ADGB: variants seen among roughly 807,000 people sequenced by gnomAD.
The protein encoded by ADGB is calpain-7-like protein.
Under a neutral mutation model 210.5 loss-of-function variants are expected in ADGB, and 172 were observed. That is an observed-to-expected ratio of 0.82 (90% CI 0.72 to 0.93). ADGB has a LOEUF of 0.93. Among genes scored for constraint, ADGB ranks in the 40% least tolerant of loss-of-function variants. The pLI is 0.00. For missense variants in ADGB, 2,025 were observed against 1,964.8 expected, an observed-to-expected ratio of 1.03 and a Z score of -0.58; for synonymous variants, 658 against 662.7, an observed-to-expected ratio of 0.99 and a Z score of 0.11.
rs1027362399 is a variant in ADGB, at chr6:146,716,464, G to A, written c.1742-419G>A. On this transcript the variant is annotated intron_variant, in intron 14 of 35. Transcript: ENST00000397944. ...AAAAATTAGCCGGGCGCGGTGGCGG[G>A]CGCCTGTAGTCCCAGCTACTCGGGA... 5.6e-4 allele frequency among the ~76,000 whole-genome samples: 80 copies of A among 142,044 alleles called. 10 individuals carry two copies. Among genetic ancestry groups the A allele is most frequent in the African/African-American group, 2.2e-3 (72 of 32,620 alleles). 93.2% of individuals were successfully genotyped at this position (142,044 alleles called of 152,430 possible). A position where few individuals can be genotyped will look rare whatever the true frequency, so the allele number is the denominator to read the frequency against.
At chr6:146,803,064 C>T (rs1778155563) in intron 35 of ADGB, 1 of 1,553,266 alleles carries the variant, frequency 6.4e-7, no homozygotes, top group African/African-American at 1.4e-5. Context: ...GTCTACACAG[C>T]AGCCAAGTGA....
chr6:146,733,121 T>A lies in ADGB; in HGVS notation c.2522T>A (p.Val841Asp). The A allele has an allele frequency of 1.3e-6, 2 of 1,509,544 alleles. No homozygotes were observed. The highest frequency in any genetic ancestry group is 5.0e-5 in the East Asian group (2 of 40,218). The allele number at this position is 1,509,544 out of a possible 1,614,324, so 93.5% of individuals were successfully genotyped here. A position where few individuals can be genotyped will look rare whatever the true frequency, so the allele number is the denominator to read the frequency against. The change falls in exon 21 of 36, where the codon GTT (valine) becomes GAT (aspartate). Residue 841 changes from valine (V) to aspartate (D), a missense_variant and splice_region_variant. Physicochemically the swap from Val to Asp is radical, Grantham distance 152 (BLOSUM62 -3). Transcript: ENST00000397944. ...ATAAAAAAAATTTATGTGTTTCAGG[T>A]TTTTCATCTTTCCTTATGGCGTTTA... ...DKELTAQHFR[V>D]FHLSLWRLMK... is the part of the protein sequence containing the mutation.
intron 12 of ADGB, among the ~76,000 whole-genome samples, chr6:146,697,326 A>C (rs1776419284): frequency 6.6e-6 from 1 of 152,238 alleles, no homozygotes; most frequent in Non-Finnish European, 1.5e-5. Flanking sequence ...ATGCAGCAAT[A>C]GGTGGCTAAT....
intron 1 of ADGB, among the ~76,000 whole-genome samples, chr6:146,610,668 C>T (rs906000317): frequency 6.6e-6 from 1 of 152,120 alleles, no homozygotes; most frequent in Non-Finnish European, 1.5e-5. Context: ...TGGGACCAGG[C>T]CTGTGATTTT....
intron 35 of ADGB, chr6:146,803,104 T>G (rs1778156284): frequency 6.6e-7 from 1 of 1,509,486 alleles, no homozygotes; most frequent in African/African-American, 1.4e-5. Flanking sequence ...TGTAAACAAT[T>G]GGTGAGCACA....
At chr6:146,599,503 A>G (rs1336334563) in intron 1 of ADGB, among the ~76,000 whole-genome samples, 1 of 152,214 alleles carries the variant, frequency 6.6e-6, no homozygotes, top group Admixed American at 6.5e-5. Flanking sequence ...ACAGCGAGTG[A>G]CAGACAGACA....
Position 146,740,458 on chromosome 6 carries a change from G to A in ADGB, c.2889-1G>A. ...TACATAATTTATTTTTATATTTCTAGACTAATGTTTAAAAGCAAGTGCAAG... is the reference window on the plus strand; with the variant it reads ...TACATAATTTATTTTTATATTTCTAAACTAATGTTTAAAAGCAAGTGCAAG... On this transcript the variant is annotated splice_acceptor_variant, in intron 23 of 35. Coordinates refer to ENST00000397944, the MANE Select transcript of ADGB (RefSeq NM_024694.4). LOFTEE classifies it high-confidence loss of function. 1 of 1,530,912 alleles carries A rather than the reference G, an allele frequency of 6.5e-7. No homozygotes were observed. Among genetic ancestry groups the A allele is most frequent in the Non-Finnish European group, 8.8e-7 (1 of 1,135,892 alleles). 94.8% of individuals were successfully genotyped at this position (1,530,912 alleles called of 1,614,324 possible).
At chr6:146,669,264 A>ATGCC (rs1775975440) in intron 7 of ADGB, among the ~76,000 whole-genome samples, 1 of 152,096 alleles carries the variant, frequency 6.6e-6, no homozygotes, top group Non-Finnish European at 1.5e-5. Context: ...AATAGGAGGC[A>ATGCC]GTTCAGGGAG....
At chr6:146,680,931 G>A (rs1484950121) in intron 9 of ADGB, among the ~76,000 whole-genome samples, 1 of 152,128 alleles carries the variant, frequency 6.6e-6, no homozygotes, top group Non-Finnish European at 1.5e-5. Flanking sequence ...ACTCTAGCAT[G>A]TGAATTCTAA....
intron 29 of ADGB, 98 bp from the exon 30 acceptor site, chr6:146,781,922 G>A: frequency 3.6e-6 from 3 of 840,230 alleles, no homozygotes; most frequent in Non-Finnish European, 4.9e-6. Context: ...AAATCTATTA[G>A]CTTAACCATA....
At chr6:146,687,010 T>C (rs1413370541) in intron 10 of ADGB, among the ~76,000 whole-genome samples, 2 of 152,178 alleles carry the variant, frequency 1.3e-5, no homozygotes, top group African/African-American at 4.8e-5. Flanking sequence ...TTTCCCTTTC[T>C]CTTTCTTCCC....
chr6:146,810,663 C>A (rs1452898505), intron 35 of ADGB, among the ~76,000 whole-genome samples: 2 of 151,810 alleles, frequency 1.3e-5, no homozygotes, highest in South Asian at 2.1e-4. Context: ...CACAGATGAA[C>A]ATGTAGGGCA....
intron 30 of ADGB, among the ~76,000 whole-genome samples, chr6:146,782,625 G>A (rs1337974624): frequency 1.3e-5 from 2 of 152,138 alleles, no homozygotes; most frequent in Non-Finnish European, 2.9e-5. Context: ...GTGATGAGGC[G>A]AAAACTCAAC....
intron 20 of ADGB, among the ~76,000 whole-genome samples, chr6:146,732,149 T>G (rs1776997377): frequency 6.6e-6 from 1 of 152,206 alleles, no homozygotes. Context: ...AGTGATTAAA[T>G]CTTTATAATG....
At chr6:146,686,980 G>A (rs1048963707) in intron 10 of ADGB, among the ~76,000 whole-genome samples, 5 of 151,958 alleles carry the variant, frequency 3.3e-5, no homozygotes, top group Non-Finnish European at 2.9e-5. Flanking sequence ...ATTATGCCTG[G>A]GGGGCACGTT....
chr6:146,616,988 A>G (rs1780811434), intron 1 of ADGB, among the ~76,000 whole-genome samples: 1 of 152,116 alleles, frequency 6.6e-6, no homozygotes, highest in Non-Finnish European at 1.5e-5. Context: ...GAAGAATGGC[A>G]TTGGTATTTT....
Position 146,683,904 on chromosome 6 carries a change from C to T in ADGB, c.1217-1830C>T, listed in dbSNP as rs1303723511. Among the ~76,000 whole-genome samples, 5 of 152,086 alleles carry T rather than the reference C, an allele frequency of 3.3e-5. No homozygotes were observed. In the East Asian group the frequency reaches 9.7e-4, roughly 29 times the overall value. The stretch of plus-strand genomic sequence containing the variant: ...AATTTTAGGGAAGACATCAAAATTT[C>T]TAATGCATAATGTACAAATGTGGGA... On this transcript the variant is annotated intron_variant, in intron 9 of 35. Coordinates refer to ENST00000397944, the MANE Select transcript of ADGB (RefSeq NM_024694.4).
At chr6:146,619,822 A>T (rs1780862738) in intron 1 of ADGB, among the ~76,000 whole-genome samples, 1 of 152,148 alleles carries the variant, frequency 6.6e-6, no homozygotes. Flanking sequence ...TAGCCCAGTT[A>T]CAGTTTTAGA....
chr6:146,696,851 A>T (rs1016269573), intron 12 of ADGB, among the ~76,000 whole-genome samples: 2 of 151,934 alleles, frequency 1.3e-5, no homozygotes, highest in Admixed American at 6.6e-5. Flanking sequence ...AAGTACTCTA[A>T]TTTTTTTTCT....
Sources: allele counts gnomAD v4.1 joint callset (sites outside exome capture counted in the v4.1 genomes callset), GRCh38; gene constraint gnomAD v4.1.1; transcripts MANE v1.5; gene names NCBI Gene and HGNC (gene_info 2026-07-23, HGNC 2026-07-21).